Variants in GRID2 observed in about 807,000 individuals in gnomAD.
GRID2 encodes the protein glutamate ionotropic receptor delta type subunit 2.
GRID2 carries 33 observed loss-of-function variants against 114.8 expected under a neutral mutation model. The ratio of observed to expected loss-of-function variants is 0.29; its 90% CI spans 0.22 to 0.38. The LOEUF (loss-of-function observed/expected upper bound fraction) is 0.38, where lower values mean the gene tolerates loss of function less well. GRID2 is among the 10% of genes least tolerant of loss of function. The pLI, the probability that GRID2 is intolerant of heterozygous loss-of-function variation, is 1.00. For synonymous variants in GRID2, 505 were observed against 449.9 expected, an observed-to-expected ratio of 1.12 and a Z score of -1.55; for missense variants, 1,184 against 1,257.7, an observed-to-expected ratio of 0.94 and a Z score of 0.89.
intron 1 of GRID2, among the ~76,000 whole-genome samples, chr4:92,581,018 A>C (rs7686351): frequency 0.38 from 57,954 of 151,280 alleles, 11,106 homozygotes; most frequent in Middle Eastern, 0.46. Flanking sequence ...TAATAATAGG[A>C]TATTGTTTCA....
intron 2 of GRID2, among the ~76,000 whole-genome samples, chr4:92,656,175 T>G (rs946520590): frequency 6.6e-6 from 1 of 151,822 alleles, no homozygotes; most frequent in African/African-American, 2.4e-5. Context: ...AAGGGTTTCC[T>G]TATCTGTACA....
At chr4:93,672,295 T>G (rs1463357574) in intron 14 of GRID2, among the ~76,000 whole-genome samples, 1 of 152,220 alleles carries the variant, frequency 6.6e-6, no homozygotes, top group Non-Finnish European at 1.5e-5. Flanking sequence ...ACCACAGATG[T>G]AACTCCATAC....
chr4:93,557,733 C>A (rs1345855572), intron 13 of GRID2, among the ~76,000 whole-genome samples: 2 of 152,172 alleles, frequency 1.3e-5, no homozygotes, highest in Admixed American at 1.3e-4. Context: ...CTGGACCAAG[C>A]AGACCTAATA....
At chr4:92,688,814 G>A (rs1377510558) in intron 2 of GRID2, among the ~76,000 whole-genome samples, 1 of 152,088 alleles carries the variant, frequency 6.6e-6, no homozygotes, top group Non-Finnish European at 1.5e-5. Context: ...TATCTAGAAT[G>A]GTGAAATCTT....
At chr4:92,305,522 TGCCTCGCCTC>T (rs542945235) in intron 1 of GRID2, among the ~76,000 whole-genome samples, 7 of 152,076 alleles carry the variant, frequency 4.6e-5, no homozygotes, top group Non-Finnish European at 8.8e-5. Context: ...ATATCCGCCT[TGCCTCGCCTC>T]GCCTCGCCTC....
chr4:93,792,937 G>A (rs941997833), intron 1 of GRID2, among the ~76,000 whole-genome samples: 1 of 152,120 alleles, frequency 6.6e-6, no homozygotes, highest in African/African-American at 2.4e-5. Flanking sequence ...AGGACGTCAG[G>A]TTCCACAGAT....
chr4:92,616,381 C>T (rs1394339599), intron 2 of GRID2, among the ~76,000 whole-genome samples: 2 of 151,314 alleles, frequency 1.3e-5, no homozygotes, highest in African/African-American at 2.4e-5. Context: ...TGATGAGTTA[C>T]ATTTCTCTTG....
intron 2 of GRID2, among the ~76,000 whole-genome samples, chr4:92,827,943 G>A (rs1741842702): frequency 6.6e-6 from 1 of 151,986 alleles, no homozygotes; most frequent in Non-Finnish European, 1.5e-5. Context: ...TAGTTAACTT[G>A]ATAGTTAATG....
At chr4:93,297,799 ATAT>A (rs1273783587) in intron 8 of GRID2, among the ~76,000 whole-genome samples, 1 of 152,174 alleles carries the variant, frequency 6.6e-6, no homozygotes, top group Non-Finnish European at 1.5e-5. Flanking sequence ...TTATACATAA[ATAT>A]TATTCTCTTT....
intron 2 of GRID2, among the ~76,000 whole-genome samples, chr4:92,606,867 T>C (rs1159647840): frequency 6.6e-6 from 1 of 152,048 alleles, no homozygotes; most frequent in African/African-American, 2.4e-5. Flanking sequence ...AATCTATGTA[T>C]CACATTACAA....
At chr4:92,312,616 C>A (rs2110111631) in intron 1 of GRID2, among the ~76,000 whole-genome samples, 1 of 147,220 alleles carries the variant, frequency 6.8e-6, no homozygotes, top group East Asian at 2.0e-4. Context: ...TCAAAATGTG[C>A]ATTTATTAAA....
intron 2 of GRID2, among the ~76,000 whole-genome samples, chr4:93,083,073 T>A (rs527382696): frequency 7.2e-5 from 11 of 152,264 alleles, no homozygotes; most frequent in Admixed American, 5.9e-4. Context: ...TGTAAAATAT[T>A]ATATTTACTT....
intron 11 of GRID2, among the ~76,000 whole-genome samples, chr4:93,471,303 A>C (rs1285151000): frequency 1.3e-5 from 2 of 152,168 alleles, no homozygotes; most frequent in African/African-American, 4.8e-5. Flanking sequence ...AAGGAGGGGA[A>C]ACCCATTATC....
At chr4:92,600,844 G>A (rs945026197) in intron 2 of GRID2, among the ~76,000 whole-genome samples, 3 of 152,226 alleles carry the variant, frequency 2.0e-5, no homozygotes, top group Non-Finnish European at 4.4e-5. Context: ...CCCTGTTGGA[G>A]AGTCTCACCC....
Position 93,524,783 on chromosome 4 carries a change from GTGTATATATATATATATATATATATA to G in GRID2, c.2193+9374_2193+9399del, listed in dbSNP as rs1484499401. On this transcript the variant is annotated intron_variant, in intron 13 of 15. Coordinates refer to ENST00000282020, the MANE Select transcript of GRID2 (RefSeq NM_001510.4). ...GCCAAGAAAAAATATATGTATGTAT[GTGTATATATATATATATATATATATA>G]TATATGTATGTATGTATATATATAT... Among the ~76,000 whole-genome samples the G allele has an allele frequency of 1.9e-3, 166 of 86,632 alleles. 3 individuals carry two copies. The highest frequency in any genetic ancestry group is 6.3e-3 in the African/African-American group (163 of 25,794). The allele number at this position is 86,632 out of a possible 152,430, so 56.8% of individuals were successfully genotyped here. A position where few individuals can be genotyped will look rare whatever the true frequency, so the allele number is the denominator to read the frequency against.
At chr4:92,710,032 G>T (rs1023219545) in intron 2 of GRID2, among the ~76,000 whole-genome samples, 2 of 151,864 alleles carry the variant, frequency 1.3e-5, no homozygotes, top group African/African-American at 4.8e-5. Context: ...AATTTAAATT[G>T]CTCTAATATT....
rs528409963 is a variant in GRID2, at chr4:92,946,828, T to C, written c.245-138167T>C. 1.4e-3 allele frequency among the ~76,000 whole-genome samples: 214 copies of C among 152,194 alleles called. 1 individual carries two copies. The highest frequency in any genetic ancestry group is 4.8e-3 in the African/African-American group (198 of 41,582). On this transcript the variant is annotated intron_variant, in intron 2 of 15. Coordinates refer to ENST00000282020, the MANE Select transcript of GRID2 (RefSeq NM_001510.4). The stretch of plus-strand genomic sequence containing the variant: ...TCCAATCTTGTAATTTCTGATTCAA[T>C]AGGCCTGCATGAAAGCCAAGAATTT...
chr4:93,466,296 G>C (rs1184506024), intron 11 of GRID2, among the ~76,000 whole-genome samples: 1 of 152,132 alleles, frequency 6.6e-6, no homozygotes, highest in Non-Finnish European at 1.5e-5. Context: ...TATTGATGCA[G>C]GGCAGGCAAG....
At chr4:92,370,226 A>ATG (rs1729055761) in intron 1 of GRID2, among the ~76,000 whole-genome samples, 1 of 152,200 alleles carries the variant, frequency 6.6e-6, no homozygotes, top group African/African-American at 2.4e-5. Context: ...TTAGGGAGCC[A>ATG]TGAATTTCAC....
Sources: gnomAD v4.1 joint callset for allele counts (sites outside exome capture counted in the v4.1 genomes callset) on GRCh38, gnomAD v4.1.1 for gene constraint, MANE v1.5 for transcripts, NCBI Gene and HGNC (gene_info 2026-07-23, HGNC 2026-07-21) for gene names.